Variants in WWOX observed in about 807,000 individuals in gnomAD.
WWOX encodes the protein WW domain-containing oxidoreductase.
WWOX carries 69 observed loss-of-function variants against 46.2 expected under a neutral mutation model. The observed-to-expected ratio is 1.49, with a 90% CI of 1.23 to 1.82. WWOX has a LOEUF of 1.82. WWOX is among the 40% of genes most tolerant of loss of function. The probability of loss-of-function intolerance (pLI) is 0.00; values close to 1 mark genes in which losing one functional copy is unlikely to be tolerated. For missense variants in WWOX, 919 were observed against 542.6 expected (o/e 1.69, Z -6.89); for synonymous variants, 359 against 202.6 (o/e 1.77, Z -6.56).
intron 8 of WWOX, among the ~76,000 whole-genome samples, chr16:78,786,673 CG>C (rs1567559108): frequency 6.6e-6 from 1 of 152,014 alleles, no homozygotes; most frequent in Non-Finnish European, 1.5e-5. Flanking sequence ...TTTTTGTCCC[CG>C]TAAAAGTAAC....
At chr16:78,100,109 C>A in intron 1 of WWOX, 1 of 1,375,044 alleles carries the variant, frequency 7.3e-7, no homozygotes, top group Non-Finnish European at 9.4e-7. Flanking sequence ...CCCGGCGCGC[C>A]CTCTGCTGTT....
At chr16:78,826,749 C>G (rs774556408) in intron 8 of WWOX, among the ~76,000 whole-genome samples, 2 of 152,154 alleles carry the variant, frequency 1.3e-5, no homozygotes, top group Non-Finnish European at 2.9e-5. Flanking sequence ...TTGGAGGCCA[C>G]CATTCAACCC....
intron 8 of WWOX, among the ~76,000 whole-genome samples, chr16:78,496,856 A>C (rs942584878): frequency 2.0e-5 from 3 of 152,234 alleles, no homozygotes; most frequent in Non-Finnish European, 4.4e-5. Flanking sequence ...TTGCTGTGCC[A>C]TGTGCATGGA....
At chr16:78,668,275 T>C (rs550599353) in intron 8 of WWOX, among the ~76,000 whole-genome samples, 80 of 152,228 alleles carry the variant, frequency 5.3e-4, no homozygotes, top group African/African-American at 1.8e-3. Flanking sequence ...AGCAAGACTT[T>C]GTCTCAAACA....
chr16:78,588,318 G>A (rs779693978), intron 8 of WWOX, among the ~76,000 whole-genome samples: 4 of 152,162 alleles, frequency 2.6e-5, no homozygotes, highest in Non-Finnish European at 5.9e-5. Context: ...GGATAATCTG[G>A]CTATTGCATT....
chr16:78,484,156 G>A (rs2084568806), intron 8 of WWOX, among the ~76,000 whole-genome samples: 1 of 152,130 alleles, frequency 6.6e-6, no homozygotes, highest in African/African-American at 2.4e-5. Context: ...ATAAACATAT[G>A]AATTTGTAGG....
intron 5 of WWOX, among the ~76,000 whole-genome samples, chr16:78,241,857 A>G (rs2037661141): frequency 6.6e-6 from 1 of 152,158 alleles, no homozygotes; most frequent in Non-Finnish European, 1.5e-5. Flanking sequence ...TTGTCCATCA[A>G]ATCAGCTGCC....
At chr16:78,922,828 C>G (rs1055683263) in intron 8 of WWOX, among the ~76,000 whole-genome samples, 1 of 152,160 alleles carries the variant, frequency 6.6e-6, no homozygotes, top group African/African-American at 2.4e-5. Context: ...GGTCCCAGTC[C>G]TGGGCACCAT....
chr16:78,720,783 C>T lies in WWOX; in HGVS notation c.1056+288031C>T, dbSNP rs145410698. On this transcript the variant is annotated intron_variant, in intron 8 of 8. Coordinates refer to ENST00000566780, the MANE Select transcript of WWOX (RefSeq NM_016373.4). ...AGGGTTATTCTCAAACTCTATTATA[C>T]AAGCAGTGCCCAAGTGCCTTCCTCC... 1.2e-4 allele frequency among the ~76,000 whole-genome samples: 18 copies of T among 152,250 alleles called. No individual in the cohort carries two copies. The East Asian group carries it at 2.5e-3, about 21-fold the overall frequency.
intron 8 of WWOX, among the ~76,000 whole-genome samples, chr16:78,947,491 C>G (rs1467444880): frequency 6.6e-6 from 1 of 152,178 alleles, no homozygotes; most frequent in African/African-American, 2.4e-5. Flanking sequence ...GGAGGGCTGG[C>G]AAATTCAGTG....
At chr16:78,685,723 G>A (rs1026724844) in intron 8 of WWOX, among the ~76,000 whole-genome samples, 13 of 152,126 alleles carry the variant, frequency 8.5e-5, no homozygotes, top group African/African-American at 2.9e-4. Flanking sequence ...AAATTATTCC[G>A]ACAGTTGCCC....
intron 8 of WWOX, among the ~76,000 whole-genome samples, chr16:78,523,559 GC>G (rs1286026255): frequency 6.6e-6 from 1 of 152,242 alleles, no homozygotes; most frequent in Non-Finnish European, 1.5e-5. Context: ...TGTTTTAGTT[GC>G]CAGTGGACAG....
intron 8 of WWOX, among the ~76,000 whole-genome samples, chr16:78,597,025 C>T (rs991914445): frequency 4.6e-5 from 7 of 152,214 alleles, no homozygotes; most frequent in Non-Finnish European, 1.5e-5. Flanking sequence ...GATCCCCTCC[C>T]AATCTCATTG....
rs536998168 is a variant in WWOX, at chr16:78,837,545, T to A, written c.1057-374063T>A. Among the ~76,000 whole-genome samples the A allele has an allele frequency of 8.5e-5, 13 of 152,280 alleles. No homozygotes were observed. The South Asian group carries it at 2.1e-3, about 24-fold the overall frequency. On this transcript the variant is annotated intron_variant, in intron 8 of 8. Transcript: ENST00000566780. ...ACTTCTCAGGAGTGGGATACTTTTT[T>A]TTATTATTATTTTTTATTTTCTAGC...
chr16:78,206,546 C>A (rs762456490), intron 5 of WWOX, among the ~76,000 whole-genome samples: 49 of 152,018 alleles, frequency 3.2e-4, no homozygotes, highest in Admixed American at 3.2e-3. Flanking sequence ...AATGAGAAAC[C>A]ATCTATAAAT....
chr16:78,457,104 G>C (rs754104674), intron 8 of WWOX, among the ~76,000 whole-genome samples: 6 of 152,216 alleles, frequency 3.9e-5, no homozygotes, highest in Non-Finnish European at 8.8e-5. Context: ...GGAATTGGCA[G>C]TGTTCAGACA....
chr16:79,120,916 G>A (rs2049617094), intron 8 of WWOX, among the ~76,000 whole-genome samples: 1 of 152,168 alleles, frequency 6.6e-6, no homozygotes, highest in Non-Finnish European at 1.5e-5. Flanking sequence ...TTACAGGCGT[G>A]CGCCACCATG....
Position 79,099,168 on chromosome 16 carries a change from T to C in WWOX, c.1057-112440T>C, listed in dbSNP as rs184881145. 2.2e-3 allele frequency among the ~76,000 whole-genome samples: 331 copies of C among 152,220 alleles called. 1 individual carries two copies. The highest frequency in any genetic ancestry group is 7.7e-3 in the African/African-American group (318 of 41,518). On this transcript the variant is annotated intron_variant, in intron 8 of 8. Coordinates refer to ENST00000566780, the MANE Select transcript of WWOX (RefSeq NM_016373.4). ...CAGAGGGAGAACTCACTCACTACCA[T>C]GAGGATGGCATGAAGCCCTTCATGA...
Position 78,913,211 on chromosome 16 carries a change from G to C in WWOX, c.1057-298397G>C, listed in dbSNP as rs1041525732. Among the ~76,000 whole-genome samples the C allele has an allele frequency of 2.0e-5, 3 of 152,002 alleles. No homozygotes were observed. The South Asian group carries it at 6.2e-4, about 31-fold the overall frequency. On this transcript the variant is annotated intron_variant, in intron 8 of 8. Transcript: ENST00000566780. ...GAGACCTCATCCTTGCAGGGAGTGG[G>C]CTTGAGATAATTCTCGTTACAAGTT...
Sources: allele counts gnomAD v4.1 joint callset (sites outside exome capture counted in the v4.1 genomes callset), GRCh38; gene constraint gnomAD v4.1.1; transcripts MANE v1.5; gene names NCBI Gene and HGNC (gene_info 2026-07-23, HGNC 2026-07-21).